The following GRIN2A variants were observed in gnomAD, a reference collection of about 807,000 sequenced individuals.
GRIN2A encodes glutamate receptor ionotropic, NMDA 2A.
GRIN2A carries 22 observed loss-of-function variants against 113.4 expected under a neutral mutation model. The observed-to-expected ratio is 0.19, with a 90% CI of 0.14 to 0.28. GRIN2A has a LOEUF of 0.28. GRIN2A is among the 10% of genes least tolerant of loss of function. The pLI is 1.00. For missense variants in GRIN2A, 1,502 were observed against 1,887.0 expected, an observed-to-expected ratio of 0.80 and a Z score of 3.78; for synonymous variants, 827 against 738.4, an observed-to-expected ratio of 1.12 and a Z score of -1.94.
chr16:9,777,238 G>T (rs1901658806), intron 11 of GRIN2A, among the ~76,000 whole-genome samples: 1 of 151,526 alleles, frequency 6.6e-6, no homozygotes, highest in Non-Finnish European at 1.5e-5. Context: ...CTCTCAAAAG[G>T]ACAAAACAAA....
intron 2 of GRIN2A, among the ~76,000 whole-genome samples, chr16:10,067,389 CATGCT>C (rs111268305): frequency 0.044 from 6,637 of 152,258 alleles, 544 homozygotes; most frequent in African/African-American, 0.15. Context: ...TGGTTTATCT[CATGCT>C]GAACAATTAG....
chr16:10,063,834 C>T (rs1464605986), intron 2 of GRIN2A, among the ~76,000 whole-genome samples: 1 of 152,128 alleles, frequency 6.6e-6, no homozygotes, highest in Admixed American at 6.5e-5. Flanking sequence ...CAGTAGCCTT[C>T]ATTTCTTGCA....
intron 12 of GRIN2A, 91 bp from the exon 13 acceptor site, chr16:9,765,039 T>G (rs1900830917): frequency 2.0e-6 from 3 of 1,530,110 alleles, no homozygotes; most frequent in Middle Eastern, 4.6e-4. Context: ...AAGGTGAGAT[T>G]TGCACTTCTT....
chr16:10,153,704 C>T (rs1264729117), intron 2 of GRIN2A, among the ~76,000 whole-genome samples: 1 of 152,152 alleles, frequency 6.6e-6, no homozygotes, highest in Non-Finnish European at 1.5e-5. Context: ...CAATACCAAA[C>T]AATCTTTGTT....
intron 3 of GRIN2A, among the ~76,000 whole-genome samples, chr16:9,933,183 A>C (rs1428395944): frequency 6.6e-6 from 1 of 152,220 alleles, no homozygotes; most frequent in East Asian, 1.9e-4. Flanking sequence ...AAAATCAGGA[A>C]TATTAAACAT....
At chr16:10,052,601 G>C (rs1480041023) in intron 2 of GRIN2A, among the ~76,000 whole-genome samples, 1 of 152,182 alleles carries the variant, frequency 6.6e-6, no homozygotes, top group African/African-American at 2.4e-5. Context: ...TGTGACCAGG[G>C]CTGGCTGGCG....
chr16:10,119,671 T>G lies in GRIN2A; in HGVS notation c.414+60327A>C, dbSNP rs187308984. On this transcript the variant is annotated intron_variant, in intron 2 of 12. Coordinates refer to ENST00000330684, the MANE Select transcript of GRIN2A (RefSeq NM_001134407.3). The stretch of plus-strand genomic sequence containing the variant: ...GGTACACACATTTGGTACAGATTAT[T>G]TTGTCACACAGGTAATATGCACATA... Among the ~76,000 whole-genome samples, 11 of 152,286 alleles carry G rather than the reference T, an allele frequency of 7.2e-5. No individual in the cohort carries two copies. The East Asian group carries it at 2.1e-3, about 29-fold the overall frequency.
At position 10,180,505 on chromosome 16, in the gene GRIN2A, C is replaced by CA; in HGVS notation, c.-18-77_-18-76insT. ...AGAAAGGGATTACCAACTTGGCTTCCTGCTCTAGGAGCCAGGCATGGAACT... is the reference window on the plus strand; with the variant it reads ...AGAAAGGGATTACCAACTTGGCTTCCATGCTCTAGGAGCCAGGCATGGAACT... On this transcript the variant is annotated intron_variant, in intron 1 of 12. Transcript: ENST00000330684. This position sits in a 1 kb window ranked among gnomAD's most constrained non-coding sequence, Gnocchi z 7.0. 6.5e-7 allele frequency: 1 copy of CA among 1,536,542 alleles called. No homozygotes were observed. The highest frequency in any genetic ancestry group is 8.7e-7 in the Non-Finnish European group (1 of 1,147,250).
rs892894248 is a variant in GRIN2A at position 9,754,530 on chromosome 16, A to T, written c.*8619T>A. ...TTCATCAAAAATTTCAAACAAGATC[A>T]CCTGGATTTGGCTCAAATTAGAGGC... On this transcript the variant is annotated 3_prime_UTR_variant, in exon 13 of 13. Coordinates refer to ENST00000330684, the MANE Select transcript of GRIN2A (RefSeq NM_001134407.3). 82 of 212,874 alleles carry T rather than the reference A, an allele frequency of 3.9e-4. No homozygotes were observed. The highest frequency in any genetic ancestry group is 1.8e-3 in the African/African-American group (80 of 44,224). The allele number at this position is 212,874 out of a possible 1,614,324, so 13.2% of individuals were successfully genotyped here.
chr16:9,955,100 AG>A (rs2045275099), intron 2 of GRIN2A, among the ~76,000 whole-genome samples: 2 of 152,208 alleles, frequency 1.3e-5, no homozygotes, highest in South Asian at 4.1e-4. Context: ...AGTCAAGGCG[AG>A]GGTTTCACTC....
chr16:10,000,578 A>G (rs1484761951), intron 2 of GRIN2A, among the ~76,000 whole-genome samples: 1 of 151,972 alleles, frequency 6.6e-6, no homozygotes, highest in Non-Finnish European at 1.5e-5. Context: ...GTACTTTAGC[A>G]TGGAATAAGG....
chr16:10,133,582 G>A (rs1230680664), intron 2 of GRIN2A, among the ~76,000 whole-genome samples: 1 of 152,126 alleles, frequency 6.6e-6, no homozygotes, highest in East Asian at 1.9e-4. Context: ...ACTCCAGCCT[G>A]GGTTGACAGA....
chr16:9,895,857 G>A (rs954132247), intron 3 of GRIN2A, among the ~76,000 whole-genome samples: 1 of 152,174 alleles, frequency 6.6e-6, no homozygotes, highest in Non-Finnish European at 1.5e-5. Context: ...TGTAGTTCAG[G>A]TTGAGTCTAC....
intron 6 of GRIN2A, 30 bp downstream of exon 6, chr16:9,840,906 A>G: frequency 6.2e-7 from 1 of 1,612,050 alleles, no homozygotes; most frequent in Non-Finnish European, 8.5e-7. Flanking sequence ...TTGTCTGAGT[A>G]AGAGCCTAGG....
At chr16:10,008,621 C>T (rs1348488120) in intron 2 of GRIN2A, among the ~76,000 whole-genome samples, 5 of 152,186 alleles carry the variant, frequency 3.3e-5, no homozygotes, top group Non-Finnish European at 7.3e-5. Flanking sequence ...ACATAGGTAA[C>T]TTCCTATAGG....
In GRIN2A at chr16:10,111,641, G is replaced by C. The variant is rs2048616539; in HGVS notation, c.414+68357C>G. The C allele has an allele frequency of 3.3e-6, 5 of 1,529,314 alleles. No individual in the cohort carries two copies. The Admixed American group carries it at 8.4e-5, about 26-fold the overall frequency. 94.7% of individuals were successfully genotyped at this position (1,529,314 alleles called of 1,614,324 possible). On this transcript the variant is annotated intron_variant, in intron 2 of 12. Coordinates refer to ENST00000330684, the MANE Select transcript of GRIN2A (RefSeq NM_001134407.3). ...GCCATCGCGATGGCTCTGATGGGAG[G>C]TATTGGTTTCATTCACCACAACTGC...
intron 2 of GRIN2A, among the ~76,000 whole-genome samples, chr16:9,945,101 G>C (rs886210221): frequency 6.6e-6 from 1 of 152,142 alleles, no homozygotes; most frequent in Non-Finnish European, 1.5e-5. Context: ...AAGAAGGATA[G>C]CTTGAGGCCA....
intron 2 of GRIN2A, among the ~76,000 whole-genome samples, chr16:10,085,001 T>A (rs1345508324): frequency 6.6e-6 from 1 of 152,192 alleles, no homozygotes; most frequent in Admixed American, 6.5e-5. Context: ...CTTATGTATA[T>A]TAACTCATAT....
At chr16:9,966,040 CT>C (rs2045550970) in intron 2 of GRIN2A, among the ~76,000 whole-genome samples, 1 of 152,188 alleles carries the variant, frequency 6.6e-6, no homozygotes, top group South Asian at 2.1e-4. Flanking sequence ...TGAATTTTAA[CT>C]AGTTTCCCAA....
Sources: allele counts gnomAD v4.1 joint callset (sites outside exome capture counted in the v4.1 genomes callset), GRCh38; gene constraint gnomAD v4.1.1; non-coding constraint Gnocchi (gnomAD v3.1); transcripts MANE v1.5; gene names NCBI Gene and HGNC (gene_info 2026-07-23, HGNC 2026-07-21).